The following MAP3K2 variants were observed in gnomAD, a reference collection of about 807,000 sequenced individuals.
The protein encoded by MAP3K2 is mitogen-activated protein kinase kinase kinase 2.
MAP3K2 carries 24 observed loss-of-function variants against 80.3 expected under a neutral mutation model. The ratio of observed to expected loss-of-function variants is 0.30; its 90% confidence interval spans 0.22 to 0.42. The LOEUF (loss-of-function observed/expected upper bound fraction) is 0.42, where lower values mean the gene tolerates loss of function less well. Among genes scored for constraint, MAP3K2 ranks in the 10% least tolerant of loss-of-function variants. MAP3K2 has a pLI of 1.00. For missense variants in MAP3K2, 608 were observed against 750.1 expected (o/e 0.81, Z 2.21); for synonymous variants, 244 against 253.7 (o/e 0.96, Z 0.36).
At chr2:127,350,454 C>CAA (rs752516255) in intron 1 of MAP3K2, among the ~76,000 whole-genome samples, 33,638 of 99,032 alleles carry the variant, frequency 0.34, 3,177 homozygotes, top group East Asian at 0.49. Context: ...AAAACAAAAA[C>CAA]AAAAAAAAAA....
In MAP3K2 at chr2:127,322,567, A is replaced by C. The variant is rs1182985870; in HGVS notation, c.839-315T>G. Among the ~76,000 whole-genome samples, 1 of 152,158 alleles carries C rather than the reference A, an allele frequency of 6.6e-6. No individual in the cohort carries two copies. The highest frequency in any genetic ancestry group is 1.5e-5 in the Non-Finnish European group (1 of 68,032). ...AATAATGATTTTAAAATCTAAAACA[A>C]AGATGCAGAAGTTCACAGGTAGTAA... On this transcript the variant is annotated intron_variant, in intron 11 of 16. Transcript: ENST00000682094. This position sits in a 1 kb window ranked among gnomAD's most constrained non-coding sequence, Gnocchi z 4.2.
chr2:127,354,180 A>G (rs1278553422), intron 1 of MAP3K2, among the ~76,000 whole-genome samples: 2 of 144,318 alleles, frequency 1.4e-5, no homozygotes, highest in African/African-American at 5.2e-5. Context: ...CCTTCCCTCC[A>G]CTATTGTCCT....
intron 1 of MAP3K2, among the ~76,000 whole-genome samples, chr2:127,387,208 C>CT (rs1687369474): frequency 6.6e-6 from 1 of 152,266 alleles, no homozygotes; most frequent in African/African-American, 2.4e-5. Context: ...GGGTACGTGT[C>CT]TGACAGCTAA....
At chr2:127,332,031 T>G (rs1330946597) in intron 5 of MAP3K2, among the ~76,000 whole-genome samples, 1 of 152,250 alleles carries the variant, frequency 6.6e-6, no homozygotes, top group Non-Finnish European at 1.5e-5. Flanking sequence ...AATTTCTGTT[T>G]GTAGCTAATT....
intron 8 of MAP3K2, among the ~76,000 whole-genome samples, chr2:127,326,455 C>T (rs1333654626): frequency 6.6e-6 from 1 of 152,060 alleles, no homozygotes; most frequent in Admixed American, 6.6e-5. Flanking sequence ...CATTCACTCA[C>T]TCTCATTCAT....
At chr2:127,374,315 T>C (rs191962098) in intron 1 of MAP3K2, among the ~76,000 whole-genome samples, 1 of 152,266 alleles carries the variant, frequency 6.6e-6, no homozygotes, top group East Asian at 1.9e-4. Flanking sequence ...GATCAATGTA[T>C]ACATCTTATT....
intron 5 of MAP3K2, among the ~76,000 whole-genome samples, chr2:127,331,183 G>C (rs1227346808): frequency 6.6e-6 from 1 of 152,070 alleles, no homozygotes; most frequent in Non-Finnish European, 1.5e-5. Flanking sequence ...GAGGACAAAA[G>C]CACCTAAGAG....
At chr2:127,356,634 T>C (rs544444109) in intron 1 of MAP3K2, among the ~76,000 whole-genome samples, 37 of 152,370 alleles carry the variant, frequency 2.4e-4, no homozygotes, top group African/African-American at 8.2e-4. Context: ...ATTACAGGCA[T>C]GTAATTTTTC....
intron 1 of MAP3K2, among the ~76,000 whole-genome samples, chr2:127,357,896 A>C (rs1452345468): frequency 5.9e-5 from 9 of 152,220 alleles, no homozygotes; most frequent in African/African-American, 1.9e-4. Flanking sequence ...TGACTTTGGC[A>C]AAGATTTCTT....
intron 15 of MAP3K2, among the ~76,000 whole-genome samples, chr2:127,313,677 G>A (rs956111385): frequency 1.3e-5 from 2 of 152,148 alleles, no homozygotes; most frequent in African/African-American, 4.8e-5. Flanking sequence ...GATGCATTCT[G>A]AAAAATGCAT....
At chr2:127,367,113 C>T (rs1463299251) in intron 1 of MAP3K2, among the ~76,000 whole-genome samples, 1 of 152,032 alleles carries the variant, frequency 6.6e-6, no homozygotes, top group Non-Finnish European at 1.5e-5. Context: ...AATCACAGGG[C>T]AAGATTATAT....
intron 1 of MAP3K2, among the ~76,000 whole-genome samples, chr2:127,357,771 A>T (rs1472072461): frequency 6.6e-6 from 1 of 152,200 alleles, no homozygotes; most frequent in East Asian, 1.9e-4. Flanking sequence ...GTGGTACAAC[A>T]GCTGGATACC....
chr2:127,311,469 G>C (rs570825193), intron 15 of MAP3K2, among the ~76,000 whole-genome samples: 1 of 152,128 alleles, frequency 6.6e-6, no homozygotes, highest in Non-Finnish European at 1.5e-5. Flanking sequence ...AGGAGAAAAC[G>C]GGTAGCCAGG....
intron 1 of MAP3K2, among the ~76,000 whole-genome samples, chr2:127,355,932 G>A (rs1440859902): frequency 6.6e-6 from 1 of 152,008 alleles, no homozygotes; most frequent in African/African-American, 2.4e-5. Context: ...AACAATGTTC[G>A]CAGCATCTTC....
chr2:127,330,298 T>G (rs1175639981), intron 6 of MAP3K2, 94 bp downstream of exon 6: 1 of 625,248 alleles, frequency 1.6e-6, no homozygotes, highest in African/African-American at 1.9e-5. Context: ...ATGAAAATAT[T>G]GCAATGATTA....
intron 16 of MAP3K2, among the ~76,000 whole-genome samples, 198 bp downstream of exon 16, chr2:127,308,387 G>A (rs1260546352): frequency 1.3e-5 from 2 of 152,204 alleles, no homozygotes; most frequent in East Asian, 3.8e-4. Flanking sequence ...AAGAATGGAG[G>A]ACAGGTTCAA....
At chr2:127,347,900 G>A (rs974790513) in intron 1 of MAP3K2, among the ~76,000 whole-genome samples, 4 of 152,024 alleles carry the variant, frequency 2.6e-5, no homozygotes, top group African/African-American at 9.7e-5. Flanking sequence ...CAAAAAGAAA[G>A]ACAATGACAG....
At position 127,307,954 on chromosome 2, in the gene MAP3K2, G is replaced by A. The variant is rs762481741; in HGVS notation, c.1635-150C>T. On this transcript the variant is annotated intron_variant, in intron 16 of 16. Coordinates refer to ENST00000682094, the MANE Select transcript of MAP3K2 (RefSeq NM_001371910.2). The surrounding 1 kb of genome is among the most constrained non-coding windows in gnomAD (Gnocchi z 5.4). ...AGTTTCATTAAAAAGTTCTAATTTC[G>A]TAAAACTAATTTAAACATAAAAATC... The A allele has an allele frequency of 2.5e-5, 14 of 550,680 alleles. No individual in the cohort carries two copies. Among genetic ancestry groups the A allele is most frequent in the East Asian group, 1.5e-4 (5 of 33,902 alleles). 34.1% of individuals were successfully genotyped at this position (550,680 alleles called of 1,614,324 possible).
At chr2:127,381,209 G>A (rs1198034618) in intron 1 of MAP3K2, among the ~76,000 whole-genome samples, 6 of 152,094 alleles carry the variant, frequency 3.9e-5, no homozygotes, top group Non-Finnish European at 8.8e-5. Context: ...ATGATCTTCT[G>A]ACTCTCAATC....
Sources: gnomAD v4.1 joint callset for allele counts (sites outside exome capture counted in the v4.1 genomes callset) on GRCh38, gnomAD v4.1.1 for gene constraint, Gnocchi (gnomAD v3.1) non-coding constraint, MANE v1.5 for transcripts, NCBI Gene and HGNC (gene_info 2026-07-23, HGNC 2026-07-21) for gene names.